PCDHA5: variants seen among roughly 807,000 people sequenced by gnomAD.
PCDHA5 encodes the protein protocadherin alpha-5.
Under a neutral mutation model 61.6 loss-of-function variants are expected in PCDHA5, and 43 were observed. The ratio of observed to expected loss-of-function variants is 0.70; its 90% CI spans 0.55 to 0.90. PCDHA5 has a LOEUF of 0.90. Ranked by LOEUF, PCDHA5 falls within the 40% of genes least tolerant of loss-of-function variation. The pLI, the probability that PCDHA5 is intolerant of heterozygous loss-of-function variation, is 0.00. For synonymous variants in PCDHA5, 627 were observed against 543.9 expected, an observed-to-expected ratio of 1.15 and a Z score of -2.13; for missense variants, 1,298 against 1,222.7, an observed-to-expected ratio of 1.06 and a Z score of -0.92.
intron 1 of PCDHA5, among the ~76,000 whole-genome samples, chr5:140,952,271 G>A (rs561917046): frequency 6.6e-6 from 1 of 151,646 alleles, no homozygotes; most frequent in East Asian, 2.0e-4. Flanking sequence ...CTGGGGTCTT[G>A]AGGGTGGTGG....
intron 1 of PCDHA5, among the ~76,000 whole-genome samples, chr5:140,826,168 G>A (rs1554130469): frequency 6.6e-6 from 1 of 152,116 alleles, no homozygotes; most frequent in Non-Finnish European, 1.5e-5. Flanking sequence ...AATAGTTTTT[G>A]TCATTCTATA....
intron 1 of PCDHA5, among the ~76,000 whole-genome samples, chr5:140,890,160 C>T (rs1554184178): frequency 1.3e-5 from 2 of 152,246 alleles, no homozygotes; most frequent in East Asian, 3.9e-4. Context: ...AGTATTTCTG[C>T]CACAGAAATA....
intron 1 of PCDHA5, among the ~76,000 whole-genome samples, chr5:140,953,230 A>G (rs782703084): frequency 2.0e-5 from 3 of 152,180 alleles, no homozygotes; most frequent in Non-Finnish European, 4.4e-5. Context: ...TCTGCTTGGT[A>G]GCAGTTCAAA....
At chr5:140,984,192 A>G (rs1233193080) in intron 3 of PCDHA5, among the ~76,000 whole-genome samples, 31 of 152,144 alleles carry the variant, frequency 2.0e-4, no homozygotes, top group Admixed American at 2.0e-3. Context: ...ATGACTTTCT[A>G]CCTTGCCTTT....
rs187345731 is a variant in PCDHA5, at chr5:140,885,533, C to T, written c.2352+61406C>T. Among the ~76,000 whole-genome samples, 472 of 152,120 alleles carry T rather than the reference C, an allele frequency of 3.1e-3. 3 individuals carry two copies. Among genetic ancestry groups the T allele is most frequent in the Middle Eastern group, 0.014 (4 of 294 alleles). On this transcript the variant is annotated intron_variant, in intron 1 of 3. Coordinates refer to ENST00000529859, the MANE Select transcript of PCDHA5 (RefSeq NM_018908.3). Reference sequence around the variant, plus strand: ...CTGTGCTATCATTTCATATATTTCCCAAAATATTGGTGTTATTTCTACGAA... The same window carrying T: ...CTGTGCTATCATTTCATATATTTCCTAAAATATTGGTGTTATTTCTACGAA...
At chr5:140,838,766 T>C (rs2150292312) in intron 1 of PCDHA5, among the ~76,000 whole-genome samples, 4 of 151,986 alleles carry the variant, frequency 2.6e-5, no homozygotes, top group Non-Finnish European at 4.4e-5. Context: ...GTAGAGACTT[T>C]GTAAAATTAG....
intron 1 of PCDHA5, among the ~76,000 whole-genome samples, chr5:140,976,450 C>T (rs2096717096): frequency 6.6e-6 from 1 of 152,040 alleles, no homozygotes; most frequent in South Asian, 2.1e-4. Flanking sequence ...ACTAGGGAGG[C>T]TGGGGAAGAA....
In PCDHA5 at chr5:140,872,619, G is replaced by A. The variant is rs571473600; in HGVS notation, c.2352+48492G>A. On this transcript the variant is annotated intron_variant, in intron 1 of 3. Transcript: ENST00000529859. ...TCTGAAAAAATAATTTTTTTTGCCT[G>A]TTCTTGATTTTGTTCCATGAAAAGG... Among the ~76,000 whole-genome samples, 128 of 152,108 alleles carry A rather than the reference G, an allele frequency of 8.4e-4. 1 individual carries two copies. The highest frequency in any genetic ancestry group is 3.4e-3 in the Middle Eastern group (1 of 294).
At chr5:140,868,256 T>TGG (rs2050360583) in intron 1 of PCDHA5, 1 of 152,126 alleles carries the variant, frequency 6.6e-6, no homozygotes, top group Non-Finnish European at 1.5e-5. Context: ...TTTTCCTTTG[T>TGG]GGATTCTTTT....
intron 1 of PCDHA5, chr5:140,828,240 A>T (rs782505632): frequency 1.9e-6 from 3 of 1,613,830 alleles, no homozygotes; most frequent in South Asian, 1.1e-5. Flanking sequence ...CGGATCGCGC[A>T]GGACCTGGGG....
chr5:140,898,148 A>C lies in PCDHA5; in HGVS notation c.2352+74021A>C, dbSNP rs532668918. On this transcript the variant is annotated intron_variant, in intron 1 of 3. Coordinates refer to ENST00000529859, the MANE Select transcript of PCDHA5 (RefSeq NM_018908.3). ...CTCCCATTTTGTAGGTTGCCTGTTC[A>C]CGCTGATGGTGGTTTCTTTTGCTGT... Among the ~76,000 whole-genome samples, 1,044 of 152,230 alleles carry C rather than the reference A, an allele frequency of 6.9e-3. 8 individuals are homozygous for C. The highest frequency in any genetic ancestry group is 0.024 in the African/African-American group (1,010 of 41,492).
At chr5:140,836,263 A>G in intron 1 of PCDHA5, 1 of 1,613,768 alleles carries the variant, frequency 6.2e-7, no homozygotes, top group Non-Finnish European at 8.5e-7. Context: ...GTGGGGCTGT[A>G]CACTGGTGAG....
At chr5:140,843,615 C>T (rs111750019) in intron 1 of PCDHA5, 2 of 1,595,902 alleles carry the variant, frequency 1.3e-6, no homozygotes, top group Non-Finnish European at 1.7e-6. Flanking sequence ...GAGGGGCCAC[C>T]GAAGACGGAC....
At chr5:140,895,647 C>A (rs954657912) in intron 1 of PCDHA5, among the ~76,000 whole-genome samples, 2 of 151,996 alleles carry the variant, frequency 1.3e-5, no homozygotes, top group African/African-American at 4.8e-5. Flanking sequence ...TTTTTAGCTC[C>A]CACTTATAAG....
At chr5:140,919,222 C>G (rs1367427149) in intron 1 of PCDHA5, among the ~76,000 whole-genome samples, 3 of 152,144 alleles carry the variant, frequency 2.0e-5, no homozygotes, top group African/African-American at 7.2e-5. Flanking sequence ...TTCTTGATTT[C>G]TAGTAACACT....
chr5:140,927,621 A>G (rs141117468), intron 1 of PCDHA5: 25 of 1,614,198 alleles, frequency 1.5e-5, no homozygotes, highest in Middle Eastern at 3.3e-4. Context: ...CCAAGGTTCC[A>G]GAGACTGCAC....
intron 1 of PCDHA5, chr5:140,929,147 A>G (rs1247156816): frequency 6.2e-7 from 1 of 1,614,062 alleles, no homozygotes; most frequent in Non-Finnish European, 8.5e-7. Flanking sequence ...AGACTTTCTC[A>G]GACTTATCTC....
intron 1 of PCDHA5, among the ~76,000 whole-genome samples, chr5:140,915,155 G>T (rs941034401): frequency 1.3e-5 from 2 of 151,934 alleles, no homozygotes; most frequent in Non-Finnish European, 2.9e-5. Flanking sequence ...CACCATGTTG[G>T]CCAGGATAGT....
chr5:140,825,415 A>AAT (rs782208695), intron 1 of PCDHA5: 2 of 146,774 alleles, frequency 1.4e-5, no homozygotes, highest in African/African-American at 4.9e-5. Context: ...TATTTTATAT[A>AAT]ATATATATAA....
Sources: allele counts gnomAD v4.1 joint callset (sites outside exome capture counted in the v4.1 genomes callset), GRCh38; gene constraint gnomAD v4.1.1; transcripts MANE v1.5; gene names NCBI Gene and HGNC (gene_info 2026-07-23, HGNC 2026-07-21).